Variants in DOCK5 observed in about 807,000 individuals in gnomAD.
DOCK5 encodes dedicator of cytokinesis 5.
Under a neutral mutation model 251.8 loss-of-function variants are expected in DOCK5, and 142 were observed. The ratio of observed to expected loss-of-function variants is 0.56; its 90% CI spans 0.49 to 0.65. The LOEUF is 0.65. Ranked by LOEUF, DOCK5 falls within the 30% of genes least tolerant of loss-of-function variation. The pLI is 0.00. For synonymous variants in DOCK5, 842 were observed against 835.5 expected (o/e 1.01, Z -0.13); for missense variants, 2,111 against 2,312.3 (o/e 0.91, Z 1.79).
At chr8:25,249,570 G>T (rs1448520692) in intron 2 of DOCK5, among the ~76,000 whole-genome samples, 1 of 152,020 alleles carries the variant, frequency 6.6e-6, no homozygotes, top group African/African-American at 2.4e-5. Context: ...TTTGTGACTG[G>T]CTGCCTTCAT....
At position 25,278,636 on chromosome 8, in the gene DOCK5, T is replaced by C. The variant is rs1476011917; in HGVS notation, c.292T>C (p.Trp98Arg). The C allele has an allele frequency of 1.4e-5, 23 of 1,613,840 alleles. No individual in the cohort carries two copies. The highest frequency in any genetic ancestry group is 1.7e-5 in the Non-Finnish European group (20 of 1,179,892). ...VQELTSTLRE[W>R]AVIWRKLYVN... ...GGAGCTCACGTCCACTCTGCGAGAA[T>C]GGGCTGTCATCTGGCGAAAGCTCTA... Residue 98 changes from tryptophan to arginine, a missense_variant, in exon 5 of 52, where the codon TGG becomes CGG. Physicochemically the swap from Trp to Arg is moderately radical, Grantham distance 101. Transcript: ENST00000276440.
chr8:25,390,304 T>TA lies in DOCK5; in HGVS notation c.4355+17_4355+18insA. On this transcript the variant is annotated intron_variant, in intron 42 of 51. Transcript: ENST00000276440. ...GATCTTAAAGTAAGTGGTTTTTCAT[T>TA]TAAAAAAAAAAAAAATCTGTGTCTA... The TA allele has an allele frequency of 1.2e-5, 18 of 1,513,326 alleles. No individual in the cohort carries two copies. The African/African-American group carries it at 2.0e-4, about 17-fold the overall frequency. The allele number at this position is 1,513,326 out of a possible 1,614,324, so 93.7% of individuals were successfully genotyped here. A position where few individuals can be genotyped will look rare whatever the true frequency, so the allele number is the denominator to read the frequency against.
At position 25,373,277 on chromosome 8, in the gene DOCK5, C is replaced by T. The variant is rs150612786; in HGVS notation, c.3685-341C>T. Among the ~76,000 whole-genome samples the T allele has an allele frequency of 3.9e-5, 6 of 152,270 alleles. No individual in the cohort carries two copies. In the East Asian group the frequency reaches 9.7e-4, roughly 25 times the overall value. Reference sequence around the variant, plus strand: ...CCTCCCAAAGTGCTGGGATTACAGGCGTGAGCCACCGCACCCGGCTGGATA... The same window carrying T: ...CCTCCCAAAGTGCTGGGATTACAGGTGTGAGCCACCGCACCCGGCTGGATA... On this transcript the variant is annotated intron_variant, in intron 35 of 51. Coordinates refer to ENST00000276440, the MANE Select transcript of DOCK5 (RefSeq NM_024940.8).
intron 5 of DOCK5, among the ~76,000 whole-genome samples, chr8:25,289,193 A>G (rs1258902124): frequency 2.0e-5 from 3 of 152,112 alleles, no homozygotes; most frequent in African/African-American, 7.2e-5. Context: ...TTTCTAGTCT[A>G]CACCTGGTCC....
At chr8:25,410,620 C>A (rs1801604940) in intron 51 of DOCK5, among the ~76,000 whole-genome samples, 1 of 151,896 alleles carries the variant, frequency 6.6e-6, no homozygotes, top group Non-Finnish European at 1.5e-5. Context: ...TGCCACCATG[C>A]CCAGCTAATT....
rs535710063 is a variant in DOCK5 at position 25,389,304 on chromosome 8, A to G, written c.4273+72A>G. 3.9e-6 allele frequency: 6 copies of G among 1,552,586 alleles called. No individual in the cohort carries two copies. In the South Asian group the frequency reaches 4.7e-5, roughly 12 times the overall value. On this transcript the variant is annotated intron_variant, in intron 41 of 51. Coordinates refer to ENST00000276440, the MANE Select transcript of DOCK5 (RefSeq NM_024940.8). ...CACAGCCCCAGCTAAGCCAGAGAAC[A>G]TAGGAGCTACAGTCCCTTCTCTGCA...
At chr8:25,379,046 G>A (rs1801016832) in intron 38 of DOCK5, among the ~76,000 whole-genome samples, 1 of 152,218 alleles carries the variant, frequency 6.6e-6, no homozygotes, top group African/African-American at 2.4e-5. Flanking sequence ...GCAAAAAGCA[G>A]AGCAAAGATC....
intron 18 of DOCK5, among the ~76,000 whole-genome samples, chr8:25,328,088 C>T (rs1303651422): frequency 6.6e-6 from 1 of 152,008 alleles, no homozygotes; most frequent in Non-Finnish European, 1.5e-5. Context: ...GCATTCTGGT[C>T]TTCTGCAGCT....
At chr8:25,403,936 C>T (rs185042909) in intron 48 of DOCK5, among the ~76,000 whole-genome samples, 9 of 152,328 alleles carry the variant, frequency 5.9e-5, no homozygotes, top group African/African-American at 1.9e-4. Flanking sequence ...CACACTATTA[C>T]ATACCTATAG....
In DOCK5 at chr8:25,378,843, T is replaced by A. The variant is rs1043185079; in HGVS notation, c.3936+1419T>A. 3.9e-5 allele frequency among the ~76,000 whole-genome samples: 6 copies of A among 152,152 alleles called. No homozygotes were observed. In the East Asian group the frequency reaches 1.2e-3, roughly 29 times the overall value. ...CAACATAGGTTCTTTCTATTTTCCA[T>A]AAGTGTTGGCCGGCTGATAAATAAA... On this transcript the variant is annotated intron_variant, in intron 38 of 51. Coordinates refer to ENST00000276440, the MANE Select transcript of DOCK5 (RefSeq NM_024940.8).
chr8:25,239,689 C>T (rs910579657), intron 1 of DOCK5, among the ~76,000 whole-genome samples: 2 of 152,086 alleles, frequency 1.3e-5, no homozygotes, highest in East Asian at 1.9e-4. Flanking sequence ...GGAATAGCAG[C>T]GGTGGCCCAG....
chr8:25,265,638 T>C (rs1468864181), intron 2 of DOCK5, among the ~76,000 whole-genome samples: 1 of 151,836 alleles, frequency 6.6e-6, no homozygotes, highest in Non-Finnish European at 1.5e-5. Context: ...AACATTAGAG[T>C]GTAATCTTCA....
At chr8:25,382,818 A>G (rs1006863709) in intron 40 of DOCK5, 40 bp downstream of exon 40, 1 of 1,515,638 alleles carries the variant, frequency 6.6e-7, no homozygotes, top group East Asian at 2.3e-5. Context: ...CATTAGGAGG[A>G]GGGAAGAGAC....
chr8:25,346,748 TGG>T (rs1800375674), intron 26 of DOCK5, among the ~76,000 whole-genome samples: 1 of 97,228 alleles, frequency 1.0e-5, no homozygotes, highest in East Asian at 3.4e-4. Flanking sequence ...CCCTTGAACC[TGG>T]GAGGCGGAGG....
chr8:25,369,419 T>C (rs564142527), intron 33 of DOCK5, 137 bp from the exon 34 acceptor site: 46 of 648,482 alleles, frequency 7.1e-5, no homozygotes, highest in Non-Finnish European at 1.2e-4. Flanking sequence ...AGTTTATGAG[T>C]GACCCTCTGT....
At chr8:25,189,179 C>T (rs1259635124) in intron 1 of DOCK5, among the ~76,000 whole-genome samples, 4 of 151,346 alleles carry the variant, frequency 2.6e-5, no homozygotes, top group Non-Finnish European at 5.9e-5. Context: ...CACCACCATG[C>T]CTGGCTTAAG....
At chr8:25,383,591 A>G (rs1272631218) in intron 40 of DOCK5, among the ~76,000 whole-genome samples, 2 of 152,244 alleles carry the variant, frequency 1.3e-5, no homozygotes, top group African/African-American at 4.8e-5. Flanking sequence ...GCAGTGGCTC[A>G]TGCCTGTAAT....
chr8:25,402,064 T>C (rs1373542742), intron 47 of DOCK5, among the ~76,000 whole-genome samples: 1 of 152,208 alleles, frequency 6.6e-6, no homozygotes, highest in East Asian at 1.9e-4. Flanking sequence ...GTTCTAGCTC[T>C]ACTTATCTGC....
chr8:25,300,397 C>A (rs543187131), intron 8 of DOCK5, among the ~76,000 whole-genome samples, 179 bp from the exon 9 acceptor site: 8 of 152,150 alleles, frequency 5.3e-5, no homozygotes, highest in Non-Finnish European at 1.2e-4. Flanking sequence ...GCCAGGACAC[C>A]CAGCAGTGGC....
Sources: gnomAD v4.1 joint callset for allele counts (sites outside exome capture counted in the v4.1 genomes callset) on GRCh38, gnomAD v4.1.1 for gene constraint, MANE v1.5 for transcripts, NCBI Gene and HGNC (gene_info 2026-07-23, HGNC 2026-07-21) for gene names.